Variants in TMEM248 observed in about 807,000 individuals in gnomAD.
TMEM248 encodes UPF0458 protein C7orf42.
Under a neutral mutation model 30.3 loss-of-function variants are expected in TMEM248, and 9 were observed. The observed-to-expected ratio is 0.30, with a 90% CI of 0.18 to 0.52. The LOEUF (loss-of-function observed/expected upper bound fraction) is 0.52, where lower values mean the gene tolerates loss of function less well. TMEM248 is among the 20% of genes least tolerant of loss of function. TMEM248 has a pLI of 0.97. For missense variants in TMEM248, 338 were observed against 403.3 expected (o/e 0.84, Z 1.39); for synonymous variants, 184 against 154.4 (o/e 1.19, Z -1.42).
At chr7:66,941,561 A>AACACACAC (rs72442084) in intron 1 of TMEM248, among the ~76,000 whole-genome samples, 149 of 142,790 alleles carry the variant, frequency 1.0e-3, no homozygotes, top group African/African-American at 2.2e-3. Flanking sequence ...TGTTTCTTAA[A>AACACACAC]ACACACACAC....
In TMEM248 at chr7:66,948,736, C is replaced by T. The variant is rs779718986; in HGVS notation, c.596+42C>T. 12 of 1,580,170 alleles carry T rather than the reference C, an allele frequency of 7.6e-6. No homozygotes were observed. The East Asian group carries it at 2.7e-4, about 36-fold the overall frequency. Reference sequence around the variant, plus strand: ...CCTGATGAACGTGCGTAACAAGCTCCACTTGCCGTGAGTACGGCTGGGCTG... The same window carrying T: ...CCTGATGAACGTGCGTAACAAGCTCTACTTGCCGTGAGTACGGCTGGGCTG... On this transcript the variant is annotated intron_variant, in intron 4 of 6. Transcript: ENST00000341567.
chr7:66,943,033 C>A (rs1015792351), intron 2 of TMEM248, among the ~76,000 whole-genome samples: 5 of 151,190 alleles, frequency 3.3e-5, no homozygotes, highest in African/African-American at 1.2e-4. Context: ...GAACCGCCTA[C>A]ACATGTGAGC....
intron 5 of TMEM248, among the ~76,000 whole-genome samples, chr7:66,952,737 G>A (rs908322066): frequency 2.6e-5 from 4 of 152,214 alleles, no homozygotes; most frequent in African/African-American, 9.7e-5. Flanking sequence ...TAGGGAAATA[G>A]AGAAAAGCAG....
chr7:66,950,871 T>C, intron 4 of TMEM248, 81 bp from the exon 5 acceptor site: 3 of 1,232,266 alleles, frequency 2.4e-6, no homozygotes, highest in South Asian at 2.0e-5. Flanking sequence ...GTTCAGTGTT[T>C]TACCAGCTGC....
chr7:66,952,561 C>T (rs557425029), intron 5 of TMEM248, among the ~76,000 whole-genome samples: 1 of 152,236 alleles, frequency 6.6e-6, no homozygotes, highest in South Asian at 2.1e-4. Context: ...TATAAATGAC[C>T]TGGGGGAGCC....
intron 2 of TMEM248, among the ~76,000 whole-genome samples, chr7:66,943,160 G>A (rs1189224196): frequency 6.6e-6 from 1 of 152,018 alleles, no homozygotes; most frequent in African/African-American, 2.4e-5. Flanking sequence ...TTCTGACCCT[G>A]CCTCAATCTT....
Position 66,956,202 on chromosome 7 carries a change from A to G in TMEM248, c.*680A>G, listed in dbSNP as rs1044344118. 3.3e-5 allele frequency: 5 copies of G among 152,188 alleles called. No individual in the cohort carries two copies. Among genetic ancestry groups the G allele is most frequent in the Non-Finnish European group, 7.3e-5 (5 of 68,038 alleles). 9.4% of individuals were successfully genotyped at this position (152,188 alleles called of 1,614,324 possible). On this transcript the variant is annotated 3_prime_UTR_variant, in exon 7 of 7. Coordinates refer to ENST00000341567, the MANE Select transcript of TMEM248 (RefSeq NM_017994.5). ...TTTTATCCTGACTAAAAAGTTAAAT[A>G]TTTAAGTCACATACATGGTAAAGAT...
Position 66,951,118 on chromosome 7 carries a change from A to G in TMEM248, c.763A>G (p.Thr255Ala), listed in dbSNP as rs770758937. 1.1e-5 allele frequency: 17 copies of G among 1,591,402 alleles called. No individual in the cohort carries two copies. The highest frequency in any genetic ancestry group is 9.1e-5 in the South Asian group (8 of 87,548). Residue 255 changes from threonine to alanine, a missense_variant, in exon 5 of 7, where the codon ACA (threonine) becomes GCA (alanine). Coordinates refer to ENST00000341567, the MANE Select transcript of TMEM248 (RefSeq NM_017994.5). ...KVYHALNPKL[T>A]VIVPDDDRSL... ...CTATCATGCTTTAAATCCCAAGCTT[A>G]CAGTGATTGTTCCAGATGTAAGTGA... is the stretch of plus-strand genomic sequence containing the variant.
At chr7:66,941,206 C>T (rs1032871117) in intron 1 of TMEM248, among the ~76,000 whole-genome samples, 9 of 152,036 alleles carry the variant, frequency 5.9e-5, no homozygotes, top group Non-Finnish European at 1.0e-4. Flanking sequence ...TATGGTGAAA[C>T]CCCATCTCTA....
In TMEM248 at chr7:66,953,367, A is replaced by G; in HGVS notation, c.922A>G (p.Lys308Glu). ...GAGCAATCCTGAATTTTGTCCCGAG[A>G]AGGTGAGCGGTGGATGGGGTCCGGG... ...RQSNPEFCPE[K>E]VALAEA Residue 308 changes from lysine (K) to glutamate (E), a missense_variant and splice_region_variant, in exon 6 of 7, where the codon AAG becomes GAG. Lys to Glu is a moderately conservative substitution (Grantham distance 56). Coordinates refer to ENST00000341567, the MANE Select transcript of TMEM248 (RefSeq NM_017994.5). 6.2e-7 allele frequency: 1 copy of G among 1,613,934 alleles called. No individual in the cohort carries two copies. The highest frequency in any genetic ancestry group is 2.2e-5 in the East Asian group (1 of 44,856).
chr7:66,922,568 T>G (rs944799884), intron 1 of TMEM248, among the ~76,000 whole-genome samples: 3 of 152,160 alleles, frequency 2.0e-5, no homozygotes, highest in South Asian at 2.1e-4. Context: ...CTGGGAGAAT[T>G]CCTGTGGCCT....
At chr7:66,942,061 C>A in intron 2 of TMEM248, 37 bp downstream of exon 2, 1 of 1,599,834 alleles carries the variant, frequency 6.3e-7, no homozygotes, top group Admixed American at 1.7e-5. Context: ...GCTGGCTGGT[C>A]CTTGTGCAGT....
chr7:66,928,174 C>T (rs1791571910), intron 1 of TMEM248, among the ~76,000 whole-genome samples: 1 of 151,932 alleles, frequency 6.6e-6, no homozygotes, highest in African/African-American at 2.4e-5. Context: ...GAGATTGTGC[C>T]ATTGCACTCC....
intron 1 of TMEM248, among the ~76,000 whole-genome samples, chr7:66,925,627 A>G: frequency 6.6e-6 from 1 of 151,898 alleles, no homozygotes; most frequent in East Asian, 1.9e-4. Flanking sequence ...TCTGATTTCA[A>G]TTTGGGGTAG....
At chr7:66,952,054 C>T (rs1271337894) in intron 5 of TMEM248, among the ~76,000 whole-genome samples, 4 of 150,654 alleles carry the variant, frequency 2.7e-5, no homozygotes, top group East Asian at 1.9e-4. Flanking sequence ...TTGGCCTGGC[C>T]CTTTGCCCTT....
intron 1 of TMEM248, among the ~76,000 whole-genome samples, chr7:66,933,576 A>G (rs374200599): frequency 6.6e-6 from 1 of 152,222 alleles, no homozygotes; most frequent in Non-Finnish European, 1.5e-5. Flanking sequence ...GTTGGTTTCC[A>G]GAAAGTTTAT....
At chr7:66,949,734 A>G (rs983287115) in intron 4 of TMEM248, among the ~76,000 whole-genome samples, 1 of 152,200 alleles carries the variant, frequency 6.6e-6, no homozygotes, top group Admixed American at 6.5e-5. Context: ...CCATTAAACA[A>G]TTAAGGTTTT....
intron 1 of TMEM248, among the ~76,000 whole-genome samples, chr7:66,924,528 T>C (rs1274568225): frequency 6.6e-6 from 1 of 152,042 alleles, no homozygotes; most frequent in Non-Finnish European, 1.5e-5. Flanking sequence ...CCTCAGCCTC[T>C]TGAGTAGCTG....
intron 6 of TMEM248, among the ~76,000 whole-genome samples, chr7:66,954,314 C>T (rs958846252): frequency 2.4e-4 from 36 of 149,500 alleles, no homozygotes; most frequent in African/African-American, 8.6e-4. Context: ...ATTTTTAAAA[C>T]TTGTGTTATT....
Sources: allele counts gnomAD v4.1 joint callset (sites outside exome capture counted in the v4.1 genomes callset), GRCh38; gene constraint gnomAD v4.1.1; transcripts MANE v1.5; gene names NCBI Gene and HGNC (gene_info 2026-07-23, HGNC 2026-07-21).